Variants in ENPP6 observed in about 807,000 individuals in gnomAD.
ENPP6 encodes the protein ectonucleotide pyrophosphatase/phosphodiesterase 6, also known as glycerophosphocholine cholinephosphodiesterase ENPP6.
A neutral mutation model predicts 42.0 loss-of-function variants in ENPP6; 32 were observed. That is an observed-to-expected ratio of 0.76 (90% CI 0.58 to 1.02). ENPP6 has a LOEUF of 1.02. Ranked by LOEUF, ENPP6 falls within the 50% of genes least tolerant of loss-of-function variation. The pLI is 0.00. For missense variants in ENPP6, 552 were observed against 566.8 expected, an observed-to-expected ratio of 0.97 and a Z score of 0.27; for synonymous variants, 213 against 216.0, an observed-to-expected ratio of 0.99 and a Z score of 0.12.
chr4:184,096,979 CA>C (rs1485195464), intron 7 of ENPP6, among the ~76,000 whole-genome samples: 1 of 152,178 alleles, frequency 6.6e-6, no homozygotes, highest in African/African-American at 2.4e-5. Flanking sequence ...AAATGAATCA[CA>C]AACATGTGGA....
intron 6 of ENPP6, among the ~76,000 whole-genome samples, chr4:184,104,394 C>T (rs1736053446): frequency 6.6e-6 from 1 of 152,232 alleles, no homozygotes; most frequent in Non-Finnish European, 1.5e-5. Flanking sequence ...CTGCATTTCT[C>T]TCAAGTCAGG....
At chr4:184,171,403 TCTC>T (rs1473098576) in intron 1 of ENPP6, among the ~76,000 whole-genome samples, 4 of 152,148 alleles carry the variant, frequency 2.6e-5, no homozygotes, top group African/African-American at 9.7e-5. Context: ...TAGCATCACT[TCTC>T]CTGCATCTGT....
chr4:184,217,752 C>T lies in ENPP6; in HGVS notation c.68G>A (p.Arg23His), dbSNP rs142273752. 2.0e-4 allele frequency: 325 copies of T among 1,614,128 alleles called. No homozygotes were observed. Among genetic ancestry groups the T allele is most frequent in the East Asian group, 5.3e-4 (24 of 44,882 alleles). Residue 23 changes from arginine (R) to histidine (H), a missense_variant, in exon 1 of 8, where the codon CGC becomes CAC. By Grantham distance (29) the Arg-to-His change is conservative (BLOSUM62 0). This residue lies in a region of ENPP6 where 545 missense variants were observed against 546.3 expected (regional missense o/e 1.00). Transcript: ENST00000296741. ...ALGLAQPASA[R>H]RKLLVFLLDG... ...CAGCAGAAACACCAGCAGCTTCCGG[C>T]GGGCAGAGGCTGGCTGGGCCAGGCC...
intron 1 of ENPP6, among the ~76,000 whole-genome samples, chr4:184,156,071 C>G (rs1470570284): frequency 1.3e-5 from 2 of 152,184 alleles, no homozygotes; most frequent in Non-Finnish European, 1.5e-5. Context: ...AGAGAACATT[C>G]TCCCAGAGAA....
intron 1 of ENPP6, among the ~76,000 whole-genome samples, chr4:184,173,116 G>A (rs1299249373): frequency 6.6e-6 from 1 of 152,074 alleles, no homozygotes; most frequent in Non-Finnish European, 1.5e-5. Context: ...ATGTTGGCCA[G>A]GCTGTCTCGA....
chr4:184,133,964 T>C lies in ENPP6; in HGVS notation c.422-9692A>G, dbSNP rs146714131. On this transcript the variant is annotated intron_variant, in intron 2 of 7. Transcript: ENST00000296741. ...CTGGGTTTTCCTTTTATAAACCCAA[T>C]TGGTTGGCATATATTATTCTATTGA... 3.9e-3 allele frequency among the ~76,000 whole-genome samples: 589 copies of C among 151,766 alleles called. 3 individuals carry two copies. Among genetic ancestry groups the C allele is most frequent in the Non-Finnish European group, 6.4e-3 (438 of 67,920 alleles).
chr4:184,151,807 C>A (rs1023761090), intron 2 of ENPP6, among the ~76,000 whole-genome samples: 5 of 152,194 alleles, frequency 3.3e-5, no homozygotes, highest in Admixed American at 6.5e-5. Context: ...CTAGAAGAGT[C>A]AAACTCACCC....
At chr4:184,200,575 C>T (rs1020799687) in intron 1 of ENPP6, among the ~76,000 whole-genome samples, 1 of 152,238 alleles carries the variant, frequency 6.6e-6, no homozygotes, top group Non-Finnish European at 1.5e-5. Context: ...CTGGTCTTCT[C>T]ACGCTAAACA....
intron 1 of ENPP6, among the ~76,000 whole-genome samples, chr4:184,160,652 AT>A (rs1316275984): frequency 6.6e-6 from 1 of 152,196 alleles, no homozygotes; most frequent in African/African-American, 2.4e-5. Flanking sequence ...TACTATGAGT[AT>A]TGGGGGAGAG....
intron 5 of ENPP6, among the ~76,000 whole-genome samples, chr4:184,113,901 T>TTC (rs1736258305): frequency 1.6e-5 from 1 of 61,004 alleles, no homozygotes; most frequent in East Asian, 4.3e-4. Context: ...TTTCTTTCTT[T>TTC]TCTTTCTTTC....
chr4:184,153,008 A>G (rs1737082406), intron 2 of ENPP6, among the ~76,000 whole-genome samples: 1 of 152,054 alleles, frequency 6.6e-6, no homozygotes, highest in South Asian at 2.1e-4. Context: ...AAAAAAAGCA[A>G]GCTATCCTGT....
intron 1 of ENPP6, among the ~76,000 whole-genome samples, chr4:184,213,306 T>C (rs2111126541): frequency 6.6e-6 from 1 of 151,032 alleles, no homozygotes; most frequent in East Asian, 1.9e-4. Context: ...ACAGGCAACC[T>C]ACAAAATGGG....
intron 5 of ENPP6, among the ~76,000 whole-genome samples, chr4:184,113,956 T>TTTCTTTCTTTCTTTCTTTCC: frequency 6.8e-6 from 1 of 147,236 alleles, no homozygotes; most frequent in East Asian, 2.0e-4. Context: ...TCTTTCTTTC[T>TTTCTTTCTTTCTTTCTTTCC]TTCTTTCTCT....
chr4:184,190,670 T>G (rs866622671), intron 1 of ENPP6, among the ~76,000 whole-genome samples: 1 of 152,076 alleles, frequency 6.6e-6, no homozygotes, highest in Non-Finnish European at 1.5e-5. Flanking sequence ...ATGAGACACA[T>G]TGAGTGGGAT....
At chr4:184,207,986 TA>T (rs895550173) in intron 1 of ENPP6, among the ~76,000 whole-genome samples, 2 of 152,222 alleles carry the variant, frequency 1.3e-5, no homozygotes, top group African/African-American at 4.8e-5. Flanking sequence ...CATATTGGAA[TA>T]GCCCGCTCTA....
intron 6 of ENPP6, among the ~76,000 whole-genome samples, chr4:184,111,665 C>G: frequency 6.6e-6 from 1 of 152,260 alleles, no homozygotes; most frequent in Admixed American, 6.5e-5. Context: ...CGAATCTGCT[C>G]TCTTCTCAGT....
chr4:184,126,746 A>G (rs962284703), intron 2 of ENPP6, among the ~76,000 whole-genome samples: 1 of 152,230 alleles, frequency 6.6e-6, no homozygotes, highest in African/African-American at 2.4e-5. Context: ...GATCGTCCTT[A>G]TCATTTCTCA....
chr4:184,097,287 C>T lies in ENPP6; in HGVS notation c.1075G>A (p.Glu359Lys), dbSNP rs760745432. ...AAGATGCCCCGCATGTCCATGAGCT[C>T]GTTGTCGTAGCCGTGCCATCCACGC... ...WQRGWHGYDNELMDMRGIFLA... is the reference protein window; with the variant it reads ...WQRGWHGYDNKLMDMRGIFLA... The change falls in exon 7 of 8, where the codon GAG (glutamate) becomes AAG (lysine). Residue 359 changes from glutamate (E) to lysine (K), a missense_variant. Glu to Lys is a moderately conservative substitution (Grantham distance 56). This residue lies in a region of ENPP6 where 545 missense variants were observed against 546.3 expected (regional missense o/e 1.00). Transcript: ENST00000296741. 30 of 1,614,060 alleles carry T rather than the reference C, an allele frequency of 1.9e-5. 1 individual carries two copies. The highest frequency in any genetic ancestry group is 1.3e-4 in the Admixed American group (8 of 59,998).
intron 1 of ENPP6, among the ~76,000 whole-genome samples, chr4:184,188,145 G>A (rs1264378596): frequency 6.6e-6 from 1 of 152,206 alleles, no homozygotes; most frequent in African/African-American, 2.4e-5. Flanking sequence ...TTCCAGGACA[G>A]AGTATAACAT....
Sources: allele counts gnomAD v4.1 joint callset (sites outside exome capture counted in the v4.1 genomes callset), GRCh38; gene constraint gnomAD v4.1.1; regional missense constraint gnomAD v4.1.1; transcripts MANE v1.5; gene names NCBI Gene and HGNC (gene_info 2026-07-23, HGNC 2026-07-21).